LINGO2: variants seen among roughly 807,000 people sequenced by gnomAD.
LINGO2 encodes the protein leucine rich repeat and Ig domain containing 2.
In LINGO2, 14 loss-of-function variants were observed where a neutral mutation model predicts 30.6. The observed-to-expected ratio is 0.46, with a 90% CI of 0.30 to 0.72. The LOEUF (loss-of-function observed/expected upper bound fraction) is 0.72, where lower values mean the gene tolerates loss of function less well. Among genes scored for constraint, LINGO2 ranks in the 30% least tolerant of loss-of-function variants. The pLI is 0.07. For synonymous variants in LINGO2, 317 were observed against 288.5 expected (o/e 1.10, Z -1.00); for missense variants, 729 against 751.7 (o/e 0.97, Z 0.35).
the LINGO2 span, among the ~76,000 whole-genome samples, chr9:29,097,322 T>TGA: frequency 7.2e-6 from 1 of 138,310 alleles, no homozygotes; most frequent in Non-Finnish European, 1.6e-5. Flanking sequence ...AATCTTTTTT[T>TGA]GATGATATGA....
Position 28,129,888 on chromosome 9 carries a change from T to A in LINGO2, c.-86-117483A>T, listed in dbSNP as rs947121747. ...AACATGCATAGAAAAAATATGTTGTTCTTTTTATAGAATGAGAAATAACTA... is the reference window on the plus strand; with the variant it reads ...AACATGCATAGAAAAAATATGTTGTACTTTTTATAGAATGAGAAATAACTA... On this transcript the variant is annotated intron_variant, in intron 4 of 5. Transcript: ENST00000379992. The surrounding 1 kb of genome is among the most constrained non-coding windows in gnomAD (Gnocchi z 4.0). 6.6e-6 allele frequency among the ~76,000 whole-genome samples: 1 copy of A among 152,230 alleles called. No homozygotes were observed. The highest frequency in any genetic ancestry group is 2.1e-4 in the South Asian group (1 of 4,832).
intron 3 of LINGO2, among the ~76,000 whole-genome samples, chr9:28,328,910 TG>T (rs1354953760): frequency 2.0e-5 from 3 of 152,140 alleles, no homozygotes; most frequent in African/African-American, 7.2e-5. Context: ...TGAGAGACAG[TG>T]AGTCCTTCTG....
the LINGO2 span, among the ~76,000 whole-genome samples, chr9:28,883,985 G>A: frequency 6.6e-6 from 1 of 151,500 alleles, no homozygotes; most frequent in East Asian, 1.9e-4. Flanking sequence ...GCTAGAATAT[G>A]TTATATTGTG....
chr9:28,876,483 G>A, the LINGO2 span, among the ~76,000 whole-genome samples: 1 of 151,040 alleles, frequency 6.6e-6, no homozygotes, highest in Non-Finnish European at 1.5e-5. Flanking sequence ...TCCCACCTAT[G>A]AGTGAGAACA....
chr9:28,165,340 C>G (rs565173128), intron 4 of LINGO2, among the ~76,000 whole-genome samples: 4 of 152,064 alleles, frequency 2.6e-5, no homozygotes, highest in Non-Finnish European at 5.9e-5. Context: ...ACTCAGAGAC[C>G]CTGTGACATG....
chr9:28,764,059 G>C, the LINGO2 span, among the ~76,000 whole-genome samples: 4 of 151,374 alleles, frequency 2.6e-5, no homozygotes, highest in Middle Eastern at 6.8e-3. Context: ...AAAAGAGCAA[G>C]GACTAGATGA....
chr9:27,970,026 T>C (rs1041147103), intron 5 of LINGO2, among the ~76,000 whole-genome samples: 13 of 152,220 alleles, frequency 8.5e-5, no homozygotes, highest in Non-Finnish European at 1.3e-4. Context: ...CTCATAATGT[T>C]GTATTAATAT....
At chr9:28,082,535 G>C (rs1179650248) in intron 4 of LINGO2, among the ~76,000 whole-genome samples, 2 of 152,076 alleles carry the variant, frequency 1.3e-5, no homozygotes, top group Non-Finnish European at 2.9e-5. Flanking sequence ...CATTTGAGTA[G>C]GAATTTGCAA....
the LINGO2 span, among the ~76,000 whole-genome samples, chr9:28,940,877 G>C: frequency 2.6e-5 from 4 of 152,064 alleles, no homozygotes; most frequent in Non-Finnish European, 5.9e-5. Flanking sequence ...AGATTTTGAG[G>C]AGTCTAGAGA....
intron 4 of LINGO2, among the ~76,000 whole-genome samples, chr9:28,199,526 G>T (rs1820150302): frequency 6.6e-6 from 1 of 152,000 alleles, no homozygotes; most frequent in Non-Finnish European, 1.5e-5. Flanking sequence ...TTTAAGTAGA[G>T]ACGAGGTTTC....
At chr9:28,643,427 A>G (rs1827695448) in intron 1 of LINGO2, among the ~76,000 whole-genome samples, 3 of 152,100 alleles carry the variant, frequency 2.0e-5, no homozygotes, top group Non-Finnish European at 4.4e-5. Flanking sequence ...GATGCCAAGA[A>G]CACACTTGGG....
the LINGO2 span, among the ~76,000 whole-genome samples, chr9:29,200,761 C>A: frequency 6.6e-6 from 1 of 152,076 alleles, no homozygotes; most frequent in Non-Finnish European, 1.5e-5. Context: ...TTGCAGGATC[C>A]CATACAGGAT....
chr9:28,662,958 A>T (rs751678605), intron 1 of LINGO2, among the ~76,000 whole-genome samples: 10 of 152,156 alleles, frequency 6.6e-5, no homozygotes, highest in Non-Finnish European at 1.2e-4. Context: ...GAATATTAAC[A>T]AAGTTTCACA....
At chr9:28,702,532 T>C in the LINGO2 span, among the ~76,000 whole-genome samples, 2 of 151,922 alleles carry the variant, frequency 1.3e-5, no homozygotes, top group Admixed American at 6.6e-5. Context: ...CTGTATTCAA[T>C]TTGCTACTAT....
the LINGO2 span, among the ~76,000 whole-genome samples, chr9:29,123,345 G>C: frequency 2.0e-5 from 3 of 151,944 alleles, no homozygotes; most frequent in Non-Finnish European, 4.4e-5. Flanking sequence ...ATAGGAACAT[G>C]TATAGACAAA....
intron 1 of LINGO2, among the ~76,000 whole-genome samples, chr9:28,556,129 T>C (rs2135527341): frequency 6.6e-6 from 1 of 152,108 alleles, no homozygotes; most frequent in Admixed American, 6.5e-5. Context: ...CAACATAGTG[T>C]TGGAAGTTCT....
intron 4 of LINGO2, among the ~76,000 whole-genome samples, chr9:28,150,888 A>G (rs914014018): frequency 1.3e-5 from 2 of 152,242 alleles, no homozygotes; most frequent in Admixed American, 6.5e-5. Context: ...GTCAATAATC[A>G]TAGAGGATAT....
intron 3 of LINGO2, among the ~76,000 whole-genome samples, chr9:28,303,310 T>C (rs745359846): frequency 1.5e-4 from 23 of 152,150 alleles, no homozygotes; most frequent in African/African-American, 4.8e-4. Flanking sequence ...TTGCTGAGGA[T>C]AATCTTGGAG....
chr9:28,715,637 T>C, the LINGO2 span, among the ~76,000 whole-genome samples: 1 of 152,086 alleles, frequency 6.6e-6, no homozygotes, highest in Non-Finnish European at 1.5e-5. Flanking sequence ...ATCGTTCTGG[T>C]TTCCTCATTG....
Sources: allele counts gnomAD v4.1 joint callset (sites outside exome capture counted in the v4.1 genomes callset), GRCh38; gene constraint gnomAD v4.1.1; non-coding constraint Gnocchi (gnomAD v3.1); transcripts MANE v1.5; gene names NCBI Gene and HGNC (gene_info 2026-07-23, HGNC 2026-07-21).